SEMA6A: variants seen among roughly 807,000 people sequenced by gnomAD.
SEMA6A encodes the protein semaphorin 6A, also known as semaphorin-6A.
In SEMA6A, 25 loss-of-function variants were observed where a neutral mutation model predicts 96.8. The ratio of observed to expected loss-of-function variants is 0.26; its 90% CI spans 0.19 to 0.36. SEMA6A has a LOEUF of 0.36. Among genes scored for constraint, SEMA6A ranks in the 10% least tolerant of loss-of-function variants. The pLI, the probability that SEMA6A is intolerant of heterozygous loss-of-function variation, is 1.00. For synonymous variants in SEMA6A, 612 were observed against 518.0 expected (o/e 1.18, Z -2.46); for missense variants, 1,363 against 1,323.1 (o/e 1.03, Z -0.47).
Position 116,536,866 on chromosome 5 carries a change from T to TAAAAAAAAAAAAAA in SEMA6A, c.-38-31898_-38-31885dup, listed in dbSNP as rs72214884. Among the ~76,000 whole-genome samples, 62 of 69,500 alleles carry TAAAAAAAAAAAAAA rather than the reference T, an allele frequency of 8.9e-4. 2 individuals carry two copies. Among genetic ancestry groups the TAAAAAAAAAAAAAA allele is most frequent in the Non-Finnish European group, 1.3e-3 (45 of 34,872 alleles). 45.6% of individuals were successfully genotyped at this position (69,500 alleles called of 152,430 possible). On this transcript the variant is annotated intron_variant, in intron 1 of 18. Transcript: ENST00000343348. ...TTTATTCAGTCCCCGTGTGATTTCTTAAAAAAAAAAAAAAAAAAAAAAAAA... is the reference window on the plus strand; with the variant it reads ...TTTATTCAGTCCCCGTGTGATTTCTTAAAAAAAAAAAAAAAAAAAAAAAAAAAAAAAAAAAAAAA...
At chr5:116,448,113 C>G (rs1225110625) in intron 18 of SEMA6A, among the ~76,000 whole-genome samples, 3 of 145,426 alleles carry the variant, frequency 2.1e-5, no homozygotes, top group African/African-American at 7.8e-5. Flanking sequence ...GCGGGTGGAT[C>G]ACGAGGTCAG....
intron 1 of SEMA6A, among the ~76,000 whole-genome samples, chr5:116,557,359 G>C (rs1760647380): frequency 6.6e-6 from 1 of 152,204 alleles, no homozygotes; most frequent in African/African-American, 2.4e-5. Context: ...TTACAGGCAT[G>C]AGACACCACT....
chr5:116,476,347 A>C (rs1202940057), intron 15 of SEMA6A, among the ~76,000 whole-genome samples: 1 of 152,230 alleles, frequency 6.6e-6, no homozygotes, highest in African/African-American at 2.4e-5. Flanking sequence ...ATATTCCCAT[A>C]ATATAATTGA....
intron 1 of SEMA6A, among the ~76,000 whole-genome samples, chr5:116,552,483 T>G (rs1010287670): frequency 6.6e-5 from 10 of 152,318 alleles, no homozygotes; most frequent in African/African-American, 2.4e-4. Context: ...GGCCACTTTC[T>G]GGGTCAACTG....
intron 1 of SEMA6A, among the ~76,000 whole-genome samples, chr5:116,561,618 T>G (rs1443742036): frequency 6.6e-6 from 1 of 152,252 alleles, no homozygotes; most frequent in African/African-American, 2.4e-5. Context: ...AATGTGATAA[T>G]GTCAAGTTAT....
At chr5:116,561,195 G>T (rs563160150) in intron 1 of SEMA6A, among the ~76,000 whole-genome samples, 32 of 152,212 alleles carry the variant, frequency 2.1e-4, no homozygotes, top group East Asian at 5.8e-4. Flanking sequence ...GTGATAAGAT[G>T]AAATAAGGCA....
chr5:116,507,486 A>G (rs1249700396), intron 1 of SEMA6A, among the ~76,000 whole-genome samples: 1 of 152,218 alleles, frequency 6.6e-6, no homozygotes, highest in Non-Finnish European at 1.5e-5. Context: ...ACAGACTTGC[A>G]CCAGCCCAGG....
At chr5:116,487,597 C>T (rs1757123500) in intron 9 of SEMA6A, among the ~76,000 whole-genome samples, 1 of 151,962 alleles carries the variant, frequency 6.6e-6, no homozygotes, top group South Asian at 2.1e-4. Flanking sequence ...GGTGCGGAGG[C>T]TCATGTCTGT....
In SEMA6A at chr5:116,475,585, G is replaced by A; in HGVS notation, c.1668C>T (p.Asp556=). The A allele has an allele frequency of 6.9e-6, 11 of 1,603,586 alleles. No homozygotes were observed. Among genetic ancestry groups the A allele is most frequent in the Non-Finnish European group, 9.4e-6 (11 of 1,174,824 alleles). ...SPNSRLTFEQ[D]IERGNTDGLG... ...GACCATCTGTATTGCCACGCTCTAT[G>A]TCCTGCTCAAAAGTCAGTCTTTTAA... is the stretch of plus-strand genomic sequence containing the variant. The change falls in exon 16 of 19, where the codon GAC becomes GAT. Residue 556 remains aspartate, a synonymous_variant. Transcript: ENST00000343348.
At position 116,444,496 on chromosome 5, in the gene SEMA6A, T is replaced by C. The variant is rs1440399023; in HGVS notation, c.*2117A>G. On this transcript the variant is annotated 3_prime_UTR_variant, in exon 19 of 19. Transcript: ENST00000343348. ...AAGCAGACAAAGAGACCACCAAATA[T>C]ACTGTTTAAAAAAACAACAACAACA... 6.6e-6 allele frequency: 1 copy of C among 152,074 alleles called. No homozygotes were observed. Among genetic ancestry groups the C allele is most frequent in the Non-Finnish European group, 1.5e-5 (1 of 67,934 alleles). The allele number at this position is 152,074 out of a possible 1,614,324, so 9.4% of individuals were successfully genotyped here.
intron 1 of SEMA6A, among the ~76,000 whole-genome samples, chr5:116,531,208 T>C (rs547312760): frequency 1.3e-5 from 2 of 152,132 alleles, no homozygotes; most frequent in South Asian, 2.1e-4. Flanking sequence ...GCGGTGGGGA[T>C]TGGGGGGATC....
At chr5:116,508,582 C>T (rs917344254) in intron 1 of SEMA6A, among the ~76,000 whole-genome samples, 3 of 152,116 alleles carry the variant, frequency 2.0e-5, no homozygotes, top group South Asian at 2.1e-4. Flanking sequence ...CTCACAAACT[C>T]GTAGTACCTG....
Position 116,502,249 on chromosome 5 carries a change from A to G in SEMA6A, c.179T>C (p.Met60Thr). 2 of 1,613,984 alleles carry G rather than the reference A, an allele frequency of 1.2e-6. No homozygotes were observed. Among genetic ancestry groups the G allele is most frequent in the Non-Finnish European group, 1.7e-6 (2 of 1,179,872 alleles). ...TTQRHRLDIQ[M>T]IMIMNGTLYI... ...GAGGGTTCCGTTCATGATCATAATC[A>G]TCTGGATGTCCAGCCTGTGCCTCTG... Residue 60 changes from methionine to threonine, a missense_variant, in exon 3 of 19, where the codon ATG becomes ACG. Coordinates refer to ENST00000343348, the MANE Select transcript of SEMA6A (RefSeq NM_020796.5).
chr5:116,474,065 C>A (rs1580403711), intron 16 of SEMA6A, among the ~76,000 whole-genome samples: 1 of 152,240 alleles, frequency 6.6e-6, no homozygotes, highest in East Asian at 1.9e-4. Flanking sequence ...GTTCTTCTGC[C>A]TGAGAACACA....
At chr5:116,556,957 C>T (rs1434375291) in intron 1 of SEMA6A, among the ~76,000 whole-genome samples, 2 of 152,196 alleles carry the variant, frequency 1.3e-5, no homozygotes, top group Admixed American at 1.3e-4. Context: ...CCACTTTCTG[C>T]AGACTCTGGA....
chr5:116,493,286 C>G (rs1198292202), intron 6 of SEMA6A, among the ~76,000 whole-genome samples: 1 of 152,090 alleles, frequency 6.6e-6, no homozygotes, highest in African/African-American at 2.4e-5. Flanking sequence ...TTGTTAGAAG[C>G]ATTAATCTTA....
intron 1 of SEMA6A, among the ~76,000 whole-genome samples, chr5:116,509,134 T>A (rs1308537300): frequency 6.6e-6 from 1 of 152,204 alleles, no homozygotes; most frequent in Non-Finnish European, 1.5e-5. Context: ...TGAATACAAT[T>A]TGTGTCTGAT....
chr5:116,528,475 A>T (rs1042939172), intron 1 of SEMA6A, among the ~76,000 whole-genome samples: 4 of 152,198 alleles, frequency 2.6e-5, no homozygotes, highest in Non-Finnish European at 4.4e-5. Flanking sequence ...TAACTTAATG[A>T]AACAGATGAC....
At chr5:116,525,756 G>C (rs1214336830) in intron 1 of SEMA6A, among the ~76,000 whole-genome samples, 1 of 152,218 alleles carries the variant, frequency 6.6e-6, no homozygotes, top group Non-Finnish European at 1.5e-5. Context: ...TATAGTCATT[G>C]GTGGTAAGTC....
Sources: allele counts gnomAD v4.1 joint callset (sites outside exome capture counted in the v4.1 genomes callset), GRCh38; gene constraint gnomAD v4.1.1; transcripts MANE v1.5; gene names NCBI Gene and HGNC (gene_info 2026-07-23, HGNC 2026-07-21).